NOL4L: variants seen among roughly 807,000 people sequenced by gnomAD.
The protein encoded by NOL4L is nucleolar protein 4-like.
Under a neutral mutation model 64.5 loss-of-function variants are expected in NOL4L, and 7 were observed. The observed-to-expected ratio is 0.11, with a 90% CI of 0.06 to 0.20. The LOEUF is 0.20. Ranked by LOEUF, NOL4L falls within the 10% of genes least tolerant of loss-of-function variation. The probability of loss-of-function intolerance (pLI) is 1.00; values close to 1 mark genes in which losing one functional copy is unlikely to be tolerated. For missense variants in NOL4L, 680 were observed against 967.1 expected (o/e 0.70, Z 3.94); for synonymous variants, 413 against 401.0 (o/e 1.03, Z -0.36).
intron 2 of NOL4L, among the ~76,000 whole-genome samples, chr20:32,524,401 T>C (rs2018053723): frequency 6.6e-6 from 1 of 152,262 alleles, no homozygotes; most frequent in Non-Finnish European, 1.5e-5. Context: ...GCTCATTGCC[T>C]GCCCTATCTG....
At chr20:32,540,194 A>G (rs2018628952) in intron 1 of NOL4L, among the ~76,000 whole-genome samples, 1 of 152,158 alleles carries the variant, frequency 6.6e-6, no homozygotes, top group Admixed American at 6.5e-5. Flanking sequence ...CCCACCAGCC[A>G]TCCCAGGAAG....
chr20:32,503,910 T>C (rs1170257181), intron 4 of NOL4L, among the ~76,000 whole-genome samples: 1 of 152,168 alleles, frequency 6.6e-6, no homozygotes, highest in Non-Finnish European at 1.5e-5. Flanking sequence ...ATTTTCCTTT[T>C]TGTGTCATTT....
At chr20:32,554,312 C>T in intron 1 of NOL4L, among the ~76,000 whole-genome samples, 1 of 125,000 alleles carries the variant, frequency 8.0e-6, no homozygotes. Context: ...CAGAGTGAGA[C>T]TCTGCCTCAA....
intron 4 of NOL4L, among the ~76,000 whole-genome samples, chr20:32,502,944 G>C (rs1033477285): frequency 1.3e-4 from 20 of 152,214 alleles, no homozygotes; most frequent in African/African-American, 4.8e-4. Context: ...ATAAATAAAT[G>C]CAAAGAAATC....
intron 1 of NOL4L, among the ~76,000 whole-genome samples, chr20:32,530,058 C>T (rs2018287410): frequency 6.6e-6 from 1 of 152,168 alleles, no homozygotes; most frequent in Admixed American, 6.5e-5. Flanking sequence ...CGTAAATGCC[C>T]AGCATTACAG....
intron 1 of NOL4L, among the ~76,000 whole-genome samples, chr20:32,540,469 C>T (rs2018634420): frequency 6.6e-6 from 1 of 152,232 alleles, no homozygotes; most frequent in Non-Finnish European, 1.5e-5. Context: ...CAGAATCCCA[C>T]AGCACTCCAC....
intron 4 of NOL4L, among the ~76,000 whole-genome samples, chr20:32,492,988 A>G (rs898807682): frequency 6.6e-6 from 1 of 152,060 alleles, no homozygotes; most frequent in Non-Finnish European, 1.5e-5. Flanking sequence ...CCAGCAGAGC[A>G]GGAGGAATCC....
rs920524561 is a variant in NOL4L at position 32,499,609 on chromosome 20, G to A, written c.699+11738C>T. Among the ~76,000 whole-genome samples the A allele has an allele frequency of 3.9e-5, 6 of 151,926 alleles. No individual in the cohort carries two copies. The East Asian group carries it at 5.8e-4, about 15-fold the overall frequency. Reference sequence around the variant, plus strand: ...CAAAAATTAGCCGGGCATGGTGGCAGGCATCTGTAGTCCCAGCTACTCAGT... The same window carrying A: ...CAAAAATTAGCCGGGCATGGTGGCAAGCATCTGTAGTCCCAGCTACTCAGT... On this transcript the variant is annotated intron_variant, in intron 4 of 10. Coordinates refer to ENST00000621426, the MANE Select transcript of NOL4L (RefSeq NM_001256798.2).
chr20:32,489,809 CAAATAAATAAAT>C (rs549441798), intron 4 of NOL4L, among the ~76,000 whole-genome samples: 1 of 149,196 alleles, frequency 6.7e-6, no homozygotes, highest in Non-Finnish European at 1.5e-5. Flanking sequence ...GACTCCCTCT[CAAATAAATAAAT>C]AAATAAATAA....
intron 1 of NOL4L, among the ~76,000 whole-genome samples, chr20:32,562,528 T>C (rs943901648): frequency 1.3e-5 from 2 of 152,082 alleles, no homozygotes; most frequent in African/African-American, 4.8e-5. Context: ...CTTAGCCCCT[T>C]GGTGAGCCTC....
chr20:32,556,712 T>A (rs961716207), intron 1 of NOL4L, among the ~76,000 whole-genome samples: 1 of 152,078 alleles, frequency 6.6e-6, no homozygotes, highest in Non-Finnish European at 1.5e-5. Flanking sequence ...CTGCTCTACC[T>A]CCTCCATTCA....
intron 3 of NOL4L, among the ~76,000 whole-genome samples, chr20:32,513,757 C>A (rs563498348): frequency 6.6e-6 from 1 of 151,710 alleles, no homozygotes; most frequent in South Asian, 2.1e-4. Context: ...CCCAGCTACT[C>A]GGGAGGCTGA....
chr20:32,555,990 C>T (rs762583458), intron 1 of NOL4L, among the ~76,000 whole-genome samples: 9 of 152,162 alleles, frequency 5.9e-5, no homozygotes, highest in Non-Finnish European at 1.2e-4. Flanking sequence ...CAGTATTCTG[C>T]GTATTTCTGT....
chr20:32,558,490 C>T (rs946507752), intron 1 of NOL4L, among the ~76,000 whole-genome samples: 2 of 152,196 alleles, frequency 1.3e-5, no homozygotes, highest in South Asian at 2.1e-4. Flanking sequence ...AGGGCATCAC[C>T]GCTGAAGCCC....
rs1412722724 is a variant in NOL4L, at chr20:32,535,857, T to C, written c.322-7944A>G. The C allele has an allele frequency of 2.0e-6, 2 of 985,302 alleles. 1 individual carries two copies. The highest frequency in any genetic ancestry group is 2.3e-4 in the East Asian group (2 of 8,800). The allele number at this position is 985,302 out of a possible 1,614,324, so 61.0% of individuals were successfully genotyped here. A position where few individuals can be genotyped will look rare whatever the true frequency, so the allele number is the denominator to read the frequency against. On this transcript the variant is annotated intron_variant, in intron 1 of 10. Coordinates refer to ENST00000621426, the MANE Select transcript of NOL4L (RefSeq NM_001256798.2). The stretch of plus-strand genomic sequence containing the variant: ...AAATGCAGATCCGAATGACAATGAC[T>C]TATGAGGGCTGGAGGGAGGAGTACT...
At chr20:32,482,164 G>A (rs2015769239) in intron 4 of NOL4L, among the ~76,000 whole-genome samples, 1 of 152,066 alleles carries the variant, frequency 6.6e-6, no homozygotes, top group Admixed American at 6.6e-5. Context: ...GTTTTAGAGG[G>A]GGAAAAAAGG....
intron 2 of NOL4L, among the ~76,000 whole-genome samples, chr20:32,525,343 G>A (rs897951012): frequency 6.6e-6 from 1 of 152,210 alleles, no homozygotes; most frequent in Admixed American, 6.5e-5. Context: ...AAGTCATAGG[G>A]CTTACTAGCT....
chr20:32,507,659 T>C (rs574239040), intron 4 of NOL4L, among the ~76,000 whole-genome samples: 13 of 152,344 alleles, frequency 8.5e-5, no homozygotes, highest in African/African-American at 2.6e-4. Flanking sequence ...AAACAGATTA[T>C]TGAGATTTTT....
chr20:32,451,923 G>A (rs2012950648), intron 10 of NOL4L, among the ~76,000 whole-genome samples: 2 of 152,212 alleles, frequency 1.3e-5, no homozygotes, highest in African/African-American at 4.8e-5. Flanking sequence ...AGGGACCCTG[G>A]GGGAGTGGAA....
Sources: gnomAD v4.1 joint callset for allele counts (sites outside exome capture counted in the v4.1 genomes callset) on GRCh38, gnomAD v4.1.1 for gene constraint, MANE v1.5 for transcripts, NCBI Gene and HGNC (gene_info 2026-07-23, HGNC 2026-07-21) for gene names.